Variants in TCTN3 observed in about 807,000 individuals in gnomAD.
The protein encoded by TCTN3 is tectonic-3.
Under a neutral mutation model 71.3 loss-of-function variants are expected in TCTN3, and 57 were observed. The observed-to-expected ratio is 0.80, with a 90% CI of 0.65 to 1.00. The LOEUF (loss-of-function observed/expected upper bound fraction) is 1.00, where lower values mean the gene tolerates loss of function less well. TCTN3 is among the 50% of genes least tolerant of loss of function. TCTN3 has a pLI of 0.00. For synonymous variants in TCTN3, 258 were observed against 267.8 expected, an observed-to-expected ratio of 0.96 and a Z score of 0.36; for missense variants, 696 against 719.9, an observed-to-expected ratio of 0.97 and a Z score of 0.38.
chr10:95,686,714 G>A (rs2097948639), intron 6 of TCTN3, among the ~76,000 whole-genome samples, 184 bp from the exon 7 acceptor site: 1 of 152,174 alleles, frequency 6.6e-6, no homozygotes, highest in Non-Finnish European at 1.5e-5. Context: ...AGTGGAGCCA[G>A]GCAGGAGGGT....
chr10:95,670,818 A>G (rs1321005061), intron 13 of TCTN3, among the ~76,000 whole-genome samples: 1 of 151,982 alleles, frequency 6.6e-6, no homozygotes, highest in Non-Finnish European at 1.5e-5. Context: ...GCATGCCACC[A>G]TGCCCAGCTA....
intron 13 of TCTN3, among the ~76,000 whole-genome samples, chr10:95,664,643 G>A (rs138155574): frequency 6.6e-6 from 1 of 152,270 alleles, no homozygotes; most frequent in African/African-American, 2.4e-5. Context: ...TCCAGGCTCT[G>A]AAACAGTACA....
chr10:95,673,184 G>A (rs1344845746), intron 13 of TCTN3, among the ~76,000 whole-genome samples: 1 of 151,866 alleles, frequency 6.6e-6, no homozygotes, highest in Non-Finnish European at 1.5e-5. Context: ...TTTTAATTTT[G>A]CTAAAGTCTA....
chr10:95,686,450 A>T (rs912235169), intron 7 of TCTN3, 45 bp downstream of exon 7: 1 of 1,604,622 alleles, frequency 6.2e-7, no homozygotes, highest in Non-Finnish European at 8.5e-7. Flanking sequence ...GATGCAGAGG[A>T]GCCAAATATT....
At chr10:95,674,410 AAATAAT>A (rs1232673716) in intron 13 of TCTN3, among the ~76,000 whole-genome samples, 3 of 152,102 alleles carry the variant, frequency 2.0e-5, no homozygotes, top group Non-Finnish European at 2.9e-5. Context: ...ATATAAATAA[AAATAAT>A]AAAACCATAT....
chr10:95,690,746 T>C (rs2139758205), intron 3 of TCTN3, among the ~76,000 whole-genome samples: 1 of 152,278 alleles, frequency 6.6e-6, no homozygotes, highest in East Asian at 1.9e-4. Context: ...AATGGAGGTT[T>C]CTCAGTAAGG....
At chr10:95,692,497 C>A (rs1404737587) in intron 3 of TCTN3, among the ~76,000 whole-genome samples, 1 of 150,688 alleles carries the variant, frequency 6.6e-6, no homozygotes, top group East Asian at 2.0e-4. Flanking sequence ...TAGGTGGAGG[C>A]TCCGTCTCAA....
intron 13 of TCTN3, among the ~76,000 whole-genome samples, chr10:95,672,089 A>G (rs1157904283): frequency 7.1e-6 from 1 of 140,122 alleles, no homozygotes; most frequent in Non-Finnish European, 1.6e-5. Context: ...GTCCCTTTCC[A>G]GTCTATTCTC....
Position 95,664,088 on chromosome 10 carries a change from A to C in TCTN3, c.1803T>G (p.Val601=). 2 of 1,614,084 alleles carry C rather than the reference A, an allele frequency of 1.2e-6. No individual in the cohort carries two copies. Among genetic ancestry groups the C allele is most frequent in the Non-Finnish European group, 1.7e-6 (2 of 1,180,000 alleles). ...ILILCLLLLG[V]LNLETM ...TTCTTCACATAGTCTCTAGGTTGAGAACTCCAAGTAGTAAGAGGCACAGGA... is the reference window on the plus strand; with the variant it reads ...TTCTTCACATAGTCTCTAGGTTGAGCACTCCAAGTAGTAAGAGGCACAGGA... The change falls in exon 14 of 14, where the codon GTT becomes GTG. Residue 601 remains valine (V), a synonymous_variant. Transcript: ENST00000371217.
chr10:95,677,434 T>C (rs930300388), intron 13 of TCTN3, among the ~76,000 whole-genome samples: 5 of 148,784 alleles, frequency 3.4e-5, no homozygotes, highest in Non-Finnish European at 7.4e-5. Flanking sequence ...TAAATGTTTA[T>C]ATATTATAAT....
intron 13 of TCTN3, among the ~76,000 whole-genome samples, chr10:95,677,480 TTTG>T (rs766908778): frequency 0.24 from 22,232 of 92,942 alleles, 4,301 homozygotes; most frequent in Non-Finnish European, 0.34. Flanking sequence ...TACAGTTTTT[TTTG>T]TTTTTTTTTT....
intron 11 of TCTN3, 136 bp downstream of exon 11, chr10:95,682,965 C>G: frequency 8.2e-7 from 1 of 1,223,814 alleles, no homozygotes; most frequent in East Asian, 2.4e-5. Flanking sequence ...TTAGCAATAT[C>G]AACACTATTT....
rs768606622 is a variant in TCTN3 at position 95,693,489 on chromosome 10, G to C, written c.257-13C>G. 5.2e-6 allele frequency: 8 copies of C among 1,552,014 alleles called. No homozygotes were observed. The highest frequency in any genetic ancestry group is 6.1e-6 in the Non-Finnish European group (7 of 1,147,104). On this transcript the variant is annotated splice_polypyrimidine_tract_variant and intron_variant, in intron 1 of 13. Transcript: ENST00000371217. ...CAGATCGGTAAGACTATGAAAGTACGACACAGAGTGAGTGGGATGAAGATC... is the reference window on the plus strand; with the variant it reads ...CAGATCGGTAAGACTATGAAAGTACCACACAGAGTGAGTGGGATGAAGATC...
At position 95,686,993 on chromosome 10, in the gene TCTN3, T is replaced by C. The variant is rs757790501; in HGVS notation, c.852+51A>G. 5 of 1,438,820 alleles carry C rather than the reference T, an allele frequency of 3.5e-6. No individual in the cohort carries two copies. The East Asian group carries it at 9.1e-5, about 26-fold the overall frequency. The allele number at this position is 1,438,820 out of a possible 1,614,324, so 89.1% of individuals were successfully genotyped here. On this transcript the variant is annotated intron_variant, in intron 6 of 13. Transcript: ENST00000371217. ...ACAACCCACAACAGTGAGAAGCATGTTCACTTCAACTTCATAGTAGTGACA... is the reference window on the plus strand; with the variant it reads ...ACAACCCACAACAGTGAGAAGCATGCTCACTTCAACTTCATAGTAGTGACA...
chr10:95,680,174 T>C (rs1023313402), intron 13 of TCTN3, among the ~76,000 whole-genome samples: 3 of 152,174 alleles, frequency 2.0e-5, no homozygotes, highest in Admixed American at 6.6e-5. Context: ...TTTTCTGTGG[T>C]TGAATCAATC....
At chr10:95,672,893 A>G (rs147516484) in intron 13 of TCTN3, among the ~76,000 whole-genome samples, 2,364 of 151,818 alleles carry the variant, frequency 0.016, 42 homozygotes, top group Admixed American at 0.05. Flanking sequence ...GAGTTTCACC[A>G]TGTTGGCCAG....
At chr10:95,674,727 C>A (rs912264562) in intron 13 of TCTN3, among the ~76,000 whole-genome samples, 4 of 152,084 alleles carry the variant, frequency 2.6e-5, no homozygotes, top group Non-Finnish European at 5.9e-5. Context: ...TAATTTAACA[C>A]AATCAGATAT....
At chr10:95,686,739 C>A (rs1220501793) in intron 6 of TCTN3, among the ~76,000 whole-genome samples, 5 of 152,172 alleles carry the variant, frequency 3.3e-5, no homozygotes, top group Non-Finnish European at 5.9e-5. Flanking sequence ...GACTGTGATG[C>A]CTATTTACTC....
chr10:95,685,653 G>A lies in TCTN3; in HGVS notation c.889-17C>T. 1 of 1,540,000 alleles carries A rather than the reference G, an allele frequency of 6.5e-7. No individual in the cohort carries two copies. Among genetic ancestry groups the A allele is most frequent in the South Asian group, 1.2e-5 (1 of 83,802 alleles). The stretch of plus-strand genomic sequence containing the variant: ...AACCTGGAACTAGCAACGAAAAGAA[G>A]CAAATTAACTAAAACTGAAGGCGGT... On this transcript the variant is annotated splice_polypyrimidine_tract_variant and intron_variant, in intron 7 of 13. Coordinates refer to ENST00000371217, the MANE Select transcript of TCTN3 (RefSeq NM_015631.6).
Sources: gnomAD v4.1 joint callset for allele counts (sites outside exome capture counted in the v4.1 genomes callset) on GRCh38, gnomAD v4.1.1 for gene constraint, MANE v1.5 for transcripts, NCBI Gene and HGNC (gene_info 2026-07-23, HGNC 2026-07-21) for gene names.